The following TTC27 variants were observed in gnomAD, a reference collection of about 807,000 sequenced individuals.
TTC27 encodes tetratricopeptide repeat domain 27.
TTC27 carries 79 observed loss-of-function variants against 115.9 expected under a neutral mutation model. The observed-to-expected ratio is 0.68, with a 90% CI of 0.57 to 0.82. TTC27 has a LOEUF of 0.82. Among genes scored for constraint, TTC27 ranks in the 40% least tolerant of loss-of-function variants. The pLI, the probability that TTC27 is intolerant of heterozygous loss-of-function variation, is 0.00. For synonymous variants in TTC27, 401 were observed against 356.0 expected (o/e 1.13, Z -1.42); for missense variants, 1,054 against 993.1 (o/e 1.06, Z -0.82).
intron 10 of TTC27, among the ~76,000 whole-genome samples, chr2:32,715,767 A>C (rs3754834): frequency 0.41 from 62,671 of 151,798 alleles, 13,175 homozygotes; most frequent in Middle Eastern, 0.6. Flanking sequence ...GAAACCCTTG[A>C]TTGGAGGAAT....
intron 2 of TTC27, among the ~76,000 whole-genome samples, chr2:32,631,641 A>G (rs1382341559): frequency 1.3e-5 from 2 of 152,158 alleles, no homozygotes; most frequent in East Asian, 1.9e-4. Context: ...ATTTTATTTT[A>G]CCATTATTTC....
intron 13 of TTC27, among the ~76,000 whole-genome samples, chr2:32,776,437 C>T (rs1354139745): frequency 1.3e-5 from 2 of 152,180 alleles, no homozygotes; most frequent in African/African-American, 2.4e-5. Flanking sequence ...CTAACCTAAA[C>T]TGTCCAAGTA....
chr2:32,734,047 A>G (rs370600645), intron 11 of TTC27, 124 bp downstream of exon 11: 1 of 614,988 alleles, frequency 1.6e-6, no homozygotes, highest in Non-Finnish European at 2.7e-6. Context: ...TAATAAATGT[A>G]TCTGCCTGGG....
intron 16 of TTC27, among the ~76,000 whole-genome samples, chr2:32,800,245 T>C (rs1435020690): frequency 6.6e-6 from 1 of 152,210 alleles, no homozygotes; most frequent in African/African-American, 2.4e-5. Flanking sequence ...TGGAGTGCAA[T>C]GGCATGATCT....
chr2:32,814,100 T>A (rs759060410), intron 18 of TTC27, among the ~76,000 whole-genome samples: 54 of 152,202 alleles, frequency 3.5e-4, no homozygotes, highest in Non-Finnish European at 6.3e-4. Flanking sequence ...ATTTATCTTA[T>A]CTACTTCAAC....
chr2:32,787,465 G>C (rs904042350), intron 16 of TTC27, among the ~76,000 whole-genome samples: 1 of 152,128 alleles, frequency 6.6e-6, no homozygotes, highest in Non-Finnish European at 1.5e-5. Flanking sequence ...GGGTATCTCT[G>C]TGTGTTCTCT....
intron 15 of TTC27, among the ~76,000 whole-genome samples, chr2:32,785,217 T>C (rs1444370761): frequency 6.6e-6 from 1 of 152,248 alleles, no homozygotes; most frequent in African/African-American, 2.4e-5. Context: ...TTCACTTCTT[T>C]GTAGATTTTA....
At chr2:32,798,929 G>T (rs1295509548) in intron 16 of TTC27, among the ~76,000 whole-genome samples, 3 of 152,104 alleles carry the variant, frequency 2.0e-5, no homozygotes, top group African/African-American at 7.2e-5. Flanking sequence ...AAAGAGAAAT[G>T]TGTATACTTA....
At chr2:32,727,433 G>A (rs2151912560) in intron 10 of TTC27, among the ~76,000 whole-genome samples, 1 of 152,244 alleles carries the variant, frequency 6.6e-6, no homozygotes, top group East Asian at 1.9e-4. Flanking sequence ...AACAAAGAAA[G>A]GTTCATTGAT....
At position 32,782,606 on chromosome 2, in the gene TTC27, T is replaced by G. The variant is rs758305670; in HGVS notation, c.1780-20T>G. ...ACCTAAATGAGAAGAGTTAATTAAC[T>G]GTGTTCTCTATCATTTCAGAATGCT... is the stretch of plus-strand genomic sequence containing the variant. On this transcript the variant is annotated intron_variant, in intron 14 of 19. Transcript: ENST00000317907. The G allele has an allele frequency of 3.1e-6, 5 of 1,608,696 alleles. No individual in the cohort carries two copies. In the East Asian group the frequency reaches 6.7e-5, roughly 22 times the overall value.
intron 18 of TTC27, among the ~76,000 whole-genome samples, chr2:32,816,645 C>G (rs533024085): frequency 1.7e-4 from 26 of 152,190 alleles, no homozygotes; most frequent in Non-Finnish European, 3.7e-4. Flanking sequence ...TTCACTCTTG[C>G]CCATTCCCTG....
At chr2:32,773,936 C>T (rs192140236) in intron 13 of TTC27, among the ~76,000 whole-genome samples, 8 of 152,224 alleles carry the variant, frequency 5.3e-5, no homozygotes, top group Admixed American at 3.9e-4. Flanking sequence ...AGCCACTAGC[C>T]ATGTGTGACA....
chr2:32,723,033 C>A (rs1406666288), intron 10 of TTC27, among the ~76,000 whole-genome samples: 2 of 151,888 alleles, frequency 1.3e-5, no homozygotes, highest in Non-Finnish European at 2.9e-5. Flanking sequence ...ATAAAGGAAC[C>A]TTTACTAGTG....
chr2:32,815,700 C>A, intron 18 of TTC27, among the ~76,000 whole-genome samples: 1 of 152,080 alleles, frequency 6.6e-6, no homozygotes, highest in Admixed American at 6.6e-5. Flanking sequence ...AGTTTCTGAT[C>A]TAAACTGCTG....
chr2:32,749,794 C>T (rs1668949077), intron 12 of TTC27, among the ~76,000 whole-genome samples: 1 of 151,968 alleles, frequency 6.6e-6, no homozygotes, highest in Admixed American at 6.5e-5. Context: ...ATATATACTA[C>T]TTGGAATTAT....
At chr2:32,707,636 T>C (rs1667423511) in intron 10 of TTC27, among the ~76,000 whole-genome samples, 1 of 152,260 alleles carries the variant, frequency 6.6e-6, no homozygotes, top group Non-Finnish European at 1.5e-5. Context: ...AAGTATATTT[T>C]ATTAATTTCT....
chr2:32,670,035 G>T (rs1665952405), intron 7 of TTC27, among the ~76,000 whole-genome samples: 1 of 151,282 alleles, frequency 6.6e-6, no homozygotes, highest in Admixed American at 6.6e-5. Context: ...ATGCCACCAC[G>T]CCCGGATAGT....
At chr2:32,751,076 G>A (rs991181046) in intron 12 of TTC27, among the ~76,000 whole-genome samples, 1 of 152,122 alleles carries the variant, frequency 6.6e-6, no homozygotes, top group Non-Finnish European at 1.5e-5. Context: ...TGGTTATTGT[G>A]TAGAGAATAG....
chr2:32,721,628 T>TTC (rs1244632553), intron 10 of TTC27, among the ~76,000 whole-genome samples: 1 of 151,506 alleles, frequency 6.6e-6, no homozygotes, highest in African/African-American at 2.4e-5. Flanking sequence ...CTCTTTTTTT[T>TTC]TTTTTTTTTC....
Sources: gnomAD v4.1 joint callset for allele counts (sites outside exome capture counted in the v4.1 genomes callset) on GRCh38, gnomAD v4.1.1 for gene constraint, MANE v1.5 for transcripts, NCBI Gene and HGNC (gene_info 2026-07-23, HGNC 2026-07-21) for gene names.